PSME3IP1: variants seen among roughly 807,000 people sequenced by gnomAD.
PSME3IP1 encodes proteasome activator subunit 3 interacting protein 1.
A neutral mutation model predicts 34.1 loss-of-function variants in PSME3IP1; 13 were observed. The observed-to-expected ratio is 0.38, with a 90% confidence interval of 0.25 to 0.61. The LOEUF (loss-of-function observed/expected upper bound fraction) is 0.61. Among genes scored for constraint, PSME3IP1 ranks in the 20% least tolerant of loss-of-function variants. The pLI is 0.60. For synonymous variants in PSME3IP1, 93 were observed against 114.3 expected (o/e 0.81, Z 1.19); for missense variants, 237 against 301.4 (o/e 0.79, Z 1.58).
chr16:57,155,804 T>A (rs1209896147), intron 6 of PSME3IP1, among the ~76,000 whole-genome samples: 1 of 151,406 alleles, frequency 6.6e-6, no homozygotes, highest in East Asian at 1.9e-4. Context: ...AGACACTGCC[T>A]CAAAAAAAAA....
chr16:57,178,757 G>A (rs1283929984), intron 1 of PSME3IP1: 24 of 984,858 alleles, frequency 2.4e-5, no homozygotes, highest in Admixed American at 6.2e-5. Context: ...GCTACTTTCC[G>A]TTAATTTCAA....
chr16:57,180,769 A>G (rs1265863307), intron 1 of PSME3IP1, among the ~76,000 whole-genome samples: 1 of 152,056 alleles, frequency 6.6e-6, no homozygotes, highest in Non-Finnish European at 1.5e-5. Flanking sequence ...CAAACAGACA[A>G]ACAGGCTAGG....
intron 5 of PSME3IP1, among the ~76,000 whole-genome samples, chr16:57,165,166 T>C (rs541837755): frequency 1.3e-5 from 2 of 152,026 alleles, no homozygotes; most frequent in African/African-American, 4.8e-5. Flanking sequence ...TATATATATA[T>C]ATATATCATC....
chr16:57,172,140 T>G, intron 4 of PSME3IP1, 111 bp downstream of exon 4: 3 of 1,156,802 alleles, frequency 2.6e-6, no homozygotes, highest in Non-Finnish European at 3.7e-6. Context: ...CAAAGGGACT[T>G]GAGAGATCAC....
intron 1 of PSME3IP1, 92 bp downstream of exon 1, chr16:57,185,729 C>T (rs2074120989): frequency 1.0e-6 from 1 of 985,376 alleles, no homozygotes; most frequent in African/African-American, 1.7e-5. Context: ...ACAGGCCTGG[C>T]CCTAACCCTA....
chr16:57,169,769 G>A (rs1401741350), intron 4 of PSME3IP1, among the ~76,000 whole-genome samples: 1 of 152,240 alleles, frequency 6.6e-6, no homozygotes, highest in Non-Finnish European at 1.5e-5. Context: ...AGTGAGAAGT[G>A]TAATGAATGT....
At chr16:57,162,847 G>A (rs1485852438) in intron 6 of PSME3IP1, among the ~76,000 whole-genome samples, 1 of 151,952 alleles carries the variant, frequency 6.6e-6, no homozygotes, top group African/African-American at 2.4e-5. Context: ...GCTTGCACAT[G>A]CATAGAATAG....
chr16:57,163,325 GT>G, intron 6 of PSME3IP1, among the ~76,000 whole-genome samples: 1 of 152,240 alleles, frequency 6.6e-6, no homozygotes, highest in East Asian at 1.9e-4. Flanking sequence ...ACCACCACTG[GT>G]GCTTAGTAGA....
Position 57,173,764 on chromosome 16 carries a change from C to T in PSME3IP1, c.91G>A (p.Glu31Lys), listed in dbSNP as rs753735386. Residue 31 changes from glutamate to lysine, a missense_variant, in exon 2 of 7, where the codon GAA (glutamate) becomes AAA (lysine). By Grantham distance (56) the Glu-to-Lys change is moderately conservative. Transcript: ENST00000309137. ...LDERRKRRQE[E>K]WEKVRKPEDP... is the part of the protein sequence containing the mutation. ...TCAGGTTTTCGAACTTTCTCCCATT[C>T]TTCTTGCCTCCTTTTGCGCCGTTCA... 3 of 1,614,138 alleles carry T rather than the reference C, an allele frequency of 1.9e-6. No individual in the cohort carries two copies. The highest frequency in any genetic ancestry group is 2.5e-6 in the Non-Finnish European group (3 of 1,180,024).
Position 57,153,985 on chromosome 16 carries a change from G to A in PSME3IP1, c.*305C>T, listed in dbSNP as rs554140713. ...ACCCAAACCCTTTGGCAAGCCAGCC[G>A]GTGCCTATTCTCCTGGGGCATTTTT... is the stretch of plus-strand genomic sequence containing the variant. On this transcript the variant is annotated 3_prime_UTR_variant, in exon 7 of 7. Transcript: ENST00000309137. 2.0e-5 allele frequency: 7 copies of A among 351,910 alleles called. No individual in the cohort carries two copies. Among genetic ancestry groups the A allele is most frequent in the South Asian group, 9.1e-5 (2 of 22,036 alleles). 21.8% of individuals were successfully genotyped at this position (351,910 alleles called of 1,614,324 possible). A position where few individuals can be genotyped will look rare whatever the true frequency, so the allele number is the denominator to read the frequency against.
chr16:57,183,035 A>G (rs976370210), intron 1 of PSME3IP1, among the ~76,000 whole-genome samples: 1 of 152,250 alleles, frequency 6.6e-6, no homozygotes, highest in South Asian at 2.1e-4. Flanking sequence ...AGGTTGGCAC[A>G]CAGCAATTTA....
In PSME3IP1 at chr16:57,164,049, T is replaced by C. The variant is rs750295435; in HGVS notation, c.499A>G (p.Ser167Gly). The C allele has an allele frequency of 6.2e-7, 1 of 1,614,180 alleles. No homozygotes were observed. The highest frequency in any genetic ancestry group is 1.1e-5 in the South Asian group (1 of 91,084). Residue 167 changes from serine to glycine, a missense_variant, in exon 6 of 7, where the codon AGT becomes GGT. By Grantham distance (56) the Ser-to-Gly change is moderately conservative. Coordinates refer to ENST00000309137, the MANE Select transcript of PSME3IP1 (RefSeq NM_024946.4). ...VKHKSSESGN[S>G]VKRLKPDPEP... Reference sequence around the variant, plus strand: ...GGGTCCGGTTTCAGTCTTTTCACACTGTTGCCACTCTCTGAGCTGTAACAA... The same window carrying C: ...GGGTCCGGTTTCAGTCTTTTCACACCGTTGCCACTCTCTGAGCTGTAACAA...
intron 1 of PSME3IP1, chr16:57,178,548 T>C (rs1263434806): frequency 2.0e-6 from 2 of 985,396 alleles, no homozygotes; most frequent in Non-Finnish European, 2.4e-6. Context: ...CAGGGAGGAA[T>C]GAACTCACAT....
At chr16:57,184,799 G>T (rs929299706) in intron 1 of PSME3IP1, among the ~76,000 whole-genome samples, 1 of 152,218 alleles carries the variant, frequency 6.6e-6, no homozygotes, top group African/African-American at 2.4e-5. Context: ...TTCCCCACAG[G>T]GTAAGGACAT....
At chr16:57,164,689 A>G (rs1478634791) in intron 5 of PSME3IP1, among the ~76,000 whole-genome samples, 1 of 152,194 alleles carries the variant, frequency 6.6e-6, no homozygotes, top group Non-Finnish European at 1.5e-5. Flanking sequence ...GTGTGTATGT[A>G]CTAGTTGGTA....
intron 6 of PSME3IP1, among the ~76,000 whole-genome samples, chr16:57,158,936 C>T (rs2070895996): frequency 6.6e-6 from 1 of 152,148 alleles, no homozygotes; most frequent in African/African-American, 2.4e-5. Context: ...CTAAACATAG[C>T]TAAGCATAGA....
chr16:57,154,699 G>A lies in PSME3IP1; in HGVS notation c.548-192C>T, dbSNP rs1243008547. On this transcript the variant is annotated intron_variant, in intron 6 of 6. Coordinates refer to ENST00000309137, the MANE Select transcript of PSME3IP1 (RefSeq NM_024946.4). This position sits in a 1 kb window ranked among gnomAD's most constrained non-coding sequence, Gnocchi z 4.0. ...GAAGGAGGAAGGGAGGCTCCAGGAG[G>A]TGAAAGGACTTCTGAAAGTAAAGGG... Among the ~76,000 whole-genome samples, 1 of 152,186 alleles carries A rather than the reference G, an allele frequency of 6.6e-6. No individual in the cohort carries two copies. Among genetic ancestry groups the A allele is most frequent in the Non-Finnish European group, 1.5e-5 (1 of 68,038 alleles).
rs982041761 is a variant in PSME3IP1, at chr16:57,170,811, G to A, written c.348+1440C>T. ...TTACTTGCTGGGTGCGGTGGCTTAC[G>A]CCTGTAATCCCTGCACTTTGGGATG... On this transcript the variant is annotated intron_variant, in intron 4 of 6. Coordinates refer to ENST00000309137, the MANE Select transcript of PSME3IP1 (RefSeq NM_024946.4). Among the ~76,000 whole-genome samples, 8 of 152,174 alleles carry A rather than the reference G, an allele frequency of 5.3e-5. No individual in the cohort carries two copies. In the South Asian group the frequency reaches 1.0e-3, roughly 20 times the overall value.
intron 4 of PSME3IP1, among the ~76,000 whole-genome samples, chr16:57,171,545 A>G (rs2072591452): frequency 6.6e-6 from 1 of 152,222 alleles, no homozygotes; most frequent in African/African-American, 2.4e-5. Context: ...AGTCGAGAAG[A>G]AAGTCTACTA....
Sources: allele counts gnomAD v4.1 joint callset (sites outside exome capture counted in the v4.1 genomes callset), GRCh38; gene constraint gnomAD v4.1.1; non-coding constraint Gnocchi (gnomAD v3.1); transcripts MANE v1.5; gene names NCBI Gene and HGNC (gene_info 2026-07-23, HGNC 2026-07-21).